Variants in MSH4 observed in about 807,000 individuals in gnomAD.
MSH4 encodes the protein mutS protein homolog 4.
In MSH4, 106 loss-of-function variants were observed where a neutral mutation model predicts 113.7. The observed-to-expected ratio is 0.93, with a 90% CI of 0.80 to 1.10. The LOEUF is 1.10. Ranked by LOEUF, MSH4 falls within the 50% of genes least tolerant of loss-of-function variation. The probability of loss-of-function intolerance (pLI) is 0.00; values close to 1 mark genes in which losing one functional copy is unlikely to be tolerated. For missense variants in MSH4, 1,061 were observed against 1,093.7 expected (o/e 0.97, Z 0.42); for synonymous variants, 368 against 380.2 (o/e 0.97, Z 0.37).
chr1:75,812,871 G>T (rs1333064819), intron 4 of MSH4, among the ~76,000 whole-genome samples: 1 of 152,080 alleles, frequency 6.6e-6, no homozygotes, highest in Non-Finnish European at 1.5e-5. Flanking sequence ...AGAGGCTAAG[G>T]TCATCCTAGG....
At chr1:75,852,075 A>C (rs1347963959) in intron 8 of MSH4, among the ~76,000 whole-genome samples, 1 of 152,098 alleles carries the variant, frequency 6.6e-6, no homozygotes, top group Non-Finnish European at 1.5e-5. Flanking sequence ...CCAGTAATCT[A>C]TTGTCTGTCT....
chr1:75,842,803 C>A (rs538293222), intron 7 of MSH4, among the ~76,000 whole-genome samples: 16 of 152,104 alleles, frequency 1.1e-4, no homozygotes, highest in Non-Finnish European at 7.4e-5. Flanking sequence ...ACTTAGCAGA[C>A]CGGGAAAGGG....
intron 7 of MSH4, among the ~76,000 whole-genome samples, chr1:75,829,447 C>G (rs1650633549): frequency 6.6e-6 from 1 of 152,178 alleles, no homozygotes; most frequent in Non-Finnish European, 1.5e-5. Context: ...GTGGTTCTCC[C>G]AGCATGGAGT....
chr1:75,853,773 C>T (rs1336277437), intron 8 of MSH4, among the ~76,000 whole-genome samples: 1 of 151,970 alleles, frequency 6.6e-6, no homozygotes, highest in East Asian at 1.9e-4. Context: ...CTTCTATGCT[C>T]TTTGGAAATG....
intron 7 of MSH4, among the ~76,000 whole-genome samples, chr1:75,826,738 G>A (rs1234907813): frequency 6.6e-6 from 1 of 152,042 alleles, no homozygotes; most frequent in African/African-American, 2.4e-5. Context: ...CATTCAGGAG[G>A]AGGTTGTTTA....
intron 9 of MSH4, among the ~76,000 whole-genome samples, chr1:75,876,421 T>C (rs1025354592): frequency 6.6e-6 from 1 of 152,106 alleles, no homozygotes; most frequent in African/African-American, 2.4e-5. Context: ...AAGGAGATAA[T>C]GGCCAGGCTA....
intron 7 of MSH4, among the ~76,000 whole-genome samples, chr1:75,826,365 A>T (rs1039544208): frequency 1.3e-5 from 2 of 151,650 alleles, no homozygotes; most frequent in African/African-American, 4.8e-5. Context: ...TTTCTTCTTT[A>T]TTAGTCTGCA....
intron 15 of MSH4, among the ~76,000 whole-genome samples, chr1:75,886,720 G>A (rs7539041): frequency 0.2 from 26,394 of 130,592 alleles, 3,128 homozygotes; most frequent in African/African-American, 0.3. Context: ...ATATATAAAT[G>A]TATACATTAT....
intron 15 of MSH4, 38 bp from the exon 16 acceptor site, chr1:75,889,213 A>G (rs1472036366): frequency 2.1e-6 from 2 of 942,224 alleles, no homozygotes; most frequent in Non-Finnish European, 3.3e-6. Context: ...TATATTTTAT[A>G]AACACATTTC....
At chr1:75,873,113 A>G (rs141370133) in intron 9 of MSH4, among the ~76,000 whole-genome samples, 10 of 152,294 alleles carry the variant, frequency 6.6e-5, no homozygotes, top group Non-Finnish European at 1.5e-4. Flanking sequence ...CCAGTTTATT[A>G]TTATGCTAAC....
intron 1 of MSH4, among the ~76,000 whole-genome samples, chr1:75,800,871 T>G (rs373362257): frequency 6.6e-6 from 1 of 152,002 alleles, no homozygotes; most frequent in South Asian, 2.1e-4. Flanking sequence ...CGTTTCATAC[T>G]TATGCTGTCC....
chr1:75,830,201 C>A (rs1650651290), intron 7 of MSH4, among the ~76,000 whole-genome samples: 1 of 151,412 alleles, frequency 6.6e-6, no homozygotes, highest in African/African-American at 2.4e-5. Flanking sequence ...GATTGAAGAT[C>A]AAATGAATGA....
intron 8 of MSH4, 58 bp downstream of exon 8, chr1:75,848,334 C>G (rs771048527): frequency 8.5e-7 from 1 of 1,182,844 alleles, no homozygotes; most frequent in Non-Finnish European, 1.2e-6. Context: ...TGGAACTTGT[C>G]TTAATGTAAT....
chr1:75,817,908 A>G (rs181897046), intron 6 of MSH4, among the ~76,000 whole-genome samples: 1 of 152,100 alleles, frequency 6.6e-6, no homozygotes, highest in East Asian at 1.9e-4. Flanking sequence ...TGGTAGAATG[A>G]TGACTAAATC....
intron 15 of MSH4, among the ~76,000 whole-genome samples, chr1:75,884,351 T>G (rs182105202): frequency 7.2e-5 from 11 of 152,186 alleles, no homozygotes; most frequent in Admixed American, 1.3e-4. Context: ...GACCCAACAT[T>G]GTTACCTATT....
chr1:75,829,546 G>A (rs910371514), intron 7 of MSH4, among the ~76,000 whole-genome samples: 9 of 152,188 alleles, frequency 5.9e-5, no homozygotes, highest in African/African-American at 2.2e-4. Context: ...AGTAGGGGCC[G>A]ACTGACACCT....
intron 15 of MSH4, 69 bp downstream of exon 15, chr1:75,883,890 T>A: frequency 2.2e-6 from 3 of 1,361,786 alleles, no homozygotes; most frequent in Non-Finnish European, 3.0e-6. Flanking sequence ...CCTAATTTTT[T>A]TAGGGCCATG....
chr1:75,876,842 G>A, intron 9 of MSH4, 94 bp from the exon 10 acceptor site: 1 of 578,822 alleles, frequency 1.7e-6, no homozygotes, highest in Non-Finnish European at 2.8e-6. Context: ...GAAAGCACTT[G>A]GTAAACTATA....
chr1:75,815,607 C>T (rs1006258172), intron 5 of MSH4, among the ~76,000 whole-genome samples: 1 of 152,138 alleles, frequency 6.6e-6, no homozygotes, highest in Non-Finnish European at 1.5e-5. Flanking sequence ...TTTCCTAGAA[C>T]ATACGAAATA....
Sources: gnomAD v4.1 joint callset for allele counts (sites outside exome capture counted in the v4.1 genomes callset) on GRCh38, gnomAD v4.1.1 for gene constraint, MANE v1.5 for transcripts, NCBI Gene and HGNC (gene_info 2026-07-23, HGNC 2026-07-21) for gene names.